Variants in LINGO2 observed in about 807,000 individuals in gnomAD.
The protein encoded by LINGO2 is leucine-rich repeat and immunoglobulin-like domain-containing nogo receptor-interacting protein 2.
Under a neutral mutation model 30.6 loss-of-function variants are expected in LINGO2, and 14 were observed. The observed-to-expected ratio is 0.46, with a 90% CI of 0.30 to 0.72. The LOEUF is 0.72. Among genes scored for constraint, LINGO2 ranks in the 30% least tolerant of loss-of-function variants. The pLI, the probability that LINGO2 is intolerant of heterozygous loss-of-function variation, is 0.07. For synonymous variants in LINGO2, 317 were observed against 288.5 expected, an observed-to-expected ratio of 1.10 and a Z score of -1.00; for missense variants, 729 against 751.7, an observed-to-expected ratio of 0.97 and a Z score of 0.35.
At chr9:28,393,439 C>T (rs1308681884) in intron 2 of LINGO2, among the ~76,000 whole-genome samples, 1 of 152,180 alleles carries the variant, frequency 6.6e-6, no homozygotes, top group East Asian at 1.9e-4. Flanking sequence ...ACTGAACAGG[C>T]AGTACTTAAG....
chr9:28,817,168 T>G, the LINGO2 span, among the ~76,000 whole-genome samples: 51 of 151,886 alleles, frequency 3.4e-4, no homozygotes, highest in Non-Finnish European at 6.9e-4. Context: ...TAGGAGGTGC[T>G]CAGAAAAAAG....
chr9:29,104,009 T>C, the LINGO2 span, among the ~76,000 whole-genome samples: 4 of 152,204 alleles, frequency 2.6e-5, no homozygotes, highest in Non-Finnish European at 5.9e-5. Flanking sequence ...TAAATTAGCT[T>C]GTGCATATAA....
At chr9:28,089,108 T>C (rs2133253918) in intron 4 of LINGO2, among the ~76,000 whole-genome samples, 1 of 152,116 alleles carries the variant, frequency 6.6e-6, no homozygotes, top group Middle Eastern at 3.4e-3. Context: ...TCCCACACAA[T>C]AATAATGGGA....
At chr9:29,080,983 A>G in the LINGO2 span, among the ~76,000 whole-genome samples, 1 of 151,932 alleles carries the variant, frequency 6.6e-6, no homozygotes, top group East Asian at 1.9e-4. Context: ...GCTCAGCCAA[A>G]TTCTACCAGA....
At chr9:29,001,514 T>A in the LINGO2 span, among the ~76,000 whole-genome samples, 17 of 152,118 alleles carry the variant, frequency 1.1e-4, no homozygotes, top group Middle Eastern at 3.4e-3. Flanking sequence ...ATATGAGATT[T>A]AATATTTCAC....
At chr9:28,089,301 C>G (rs147824454) in intron 4 of LINGO2, among the ~76,000 whole-genome samples, 27 of 152,260 alleles carry the variant, frequency 1.8e-4, no homozygotes, top group Non-Finnish European at 3.7e-4. Flanking sequence ...CCAAAATTGA[C>G]CACACAGTTG....
intron 4 of LINGO2, among the ~76,000 whole-genome samples, chr9:28,246,270 C>T (rs1455456807): frequency 6.6e-6 from 1 of 151,602 alleles, no homozygotes; most frequent in Non-Finnish European, 1.5e-5. Context: ...CTAAAAATAC[C>T]AAAATTAGCC....
the LINGO2 span, among the ~76,000 whole-genome samples, chr9:29,140,800 A>C: frequency 6.6e-6 from 1 of 152,004 alleles, no homozygotes; most frequent in African/African-American, 2.4e-5. Flanking sequence ...CTTCACATAT[A>C]AGGGAGGCTC....
At chr9:28,029,731 G>A (rs543124986) in intron 4 of LINGO2, among the ~76,000 whole-genome samples, 37 of 152,296 alleles carry the variant, frequency 2.4e-4, no homozygotes, top group African/African-American at 8.2e-4. Context: ...TAGAAATTAA[G>A]GATAAATATC....
the LINGO2 span, among the ~76,000 whole-genome samples, chr9:29,047,762 G>C: frequency 6.6e-6 from 1 of 152,126 alleles, no homozygotes; most frequent in Non-Finnish European, 1.5e-5. Flanking sequence ...AGTGATTTAA[G>C]AAATCAGTAA....
At chr9:28,094,843 G>C (rs1160365054) in intron 4 of LINGO2, among the ~76,000 whole-genome samples, 1 of 152,048 alleles carries the variant, frequency 6.6e-6, no homozygotes, top group Non-Finnish European at 1.5e-5. Context: ...TTAAAAGATA[G>C]TAATAGCAAA....
chr9:28,395,230 G>T (rs10757738), intron 2 of LINGO2, among the ~76,000 whole-genome samples: 48,742 of 151,918 alleles, frequency 0.32, 8,012 homozygotes, highest in Middle Eastern at 0.46. Context: ...TCATAAAATA[G>T]AATAAAATAG....
chr9:28,712,402 C>T, the LINGO2 span, among the ~76,000 whole-genome samples: 1 of 151,442 alleles, frequency 6.6e-6, no homozygotes, highest in African/African-American at 2.4e-5. Flanking sequence ...CATAGTTTTA[C>T]AAAGCATCTT....
intron 4 of LINGO2, among the ~76,000 whole-genome samples, chr9:28,207,449 A>G (rs1165664054): frequency 6.6e-6 from 1 of 152,084 alleles, no homozygotes; most frequent in Non-Finnish European, 1.5e-5. Flanking sequence ...CTCAAATTTT[A>G]TTTATTTTTA....
chr9:29,046,552 T>A, the LINGO2 span, among the ~76,000 whole-genome samples: 24,663 of 152,016 alleles, frequency 0.16, 2,217 homozygotes, highest in South Asian at 0.21. Flanking sequence ...TGCAGAAGAT[T>A]GAAGCTAAAC....
the LINGO2 span, among the ~76,000 whole-genome samples, chr9:28,961,901 G>A: frequency 6.6e-6 from 1 of 152,134 alleles, no homozygotes; most frequent in African/African-American, 2.4e-5. Context: ...GTCCTCTGTG[G>A]AAAACTTAAC....
At chr9:28,176,676 T>C (rs12235137) in intron 4 of LINGO2, among the ~76,000 whole-genome samples, 12,305 of 152,222 alleles carry the variant, frequency 0.081, 688 homozygotes, top group South Asian at 0.25. Flanking sequence ...TATTTCTATA[T>C]TGAAGATAAG....
At chr9:29,107,475 C>T in the LINGO2 span, among the ~76,000 whole-genome samples, 1 of 152,046 alleles carries the variant, frequency 6.6e-6, no homozygotes, top group Non-Finnish European at 1.5e-5. Flanking sequence ...TGTTTCTCTT[C>T]CTGTTTTCTC....
intron 1 of LINGO2, among the ~76,000 whole-genome samples, chr9:28,614,174 C>A (rs774486212): frequency 2.0e-5 from 3 of 152,062 alleles, no homozygotes; most frequent in Non-Finnish European, 4.4e-5. Context: ...TTACTATATT[C>A]TTTAAAAAGT....
Sources: allele counts gnomAD v4.1 joint callset (sites outside exome capture counted in the v4.1 genomes callset), GRCh38; gene constraint gnomAD v4.1.1; transcripts MANE v1.5; gene names NCBI Gene and HGNC (gene_info 2026-07-23, HGNC 2026-07-21).